Variants in SHANK2 observed in about 807,000 individuals in gnomAD.
The protein encoded by SHANK2 is SH3 and multiple ankyrin repeat domains protein 2.
SHANK2 carries 43 observed loss-of-function variants against 133.7 expected under a neutral mutation model. That is an observed-to-expected ratio of 0.32 (90% CI 0.25 to 0.41). The LOEUF is 0.41. Among genes scored for constraint, SHANK2 ranks in the 10% least tolerant of loss-of-function variants. The pLI is 1.00. For missense variants in SHANK2, 1,994 were observed against 2,235.8 expected, an observed-to-expected ratio of 0.89 and a Z score of 2.18; for synonymous variants, 1,017 against 952.8, an observed-to-expected ratio of 1.07 and a Z score of -1.24.
chr11:70,572,182 C>T (rs192116154), intron 17 of SHANK2, among the ~76,000 whole-genome samples: 124 of 152,330 alleles, frequency 8.1e-4, no homozygotes, highest in African/African-American at 2.6e-3. Context: ...GGTTTTGAGA[C>T]GGAGTCTCAC....
chr11:70,492,353 C>T lies in SHANK2; in HGVS notation c.2421G>A (p.Pro807=), dbSNP rs782015393. The T allele has an allele frequency of 7.4e-6, 12 of 1,612,078 alleles. No individual in the cohort carries two copies. The highest frequency in any genetic ancestry group is 2.2e-5 in the East Asian group (1 of 44,900). Residue 807 remains proline (P), a synonymous_variant, in exon 22 of 26, where the codon CCG becomes CCA. Transcript: ENST00000601538. ...CACTCACGTTCATGTCTGAGCCCGC[C>T]GGGAAGCACCGGCTGCTGGGCCGCT... ...IKQRPSSRCF[P]AGSDMNSVYE...
chr11:71,199,334 A>C (rs1361221334), intron 2 of SHANK2, among the ~76,000 whole-genome samples: 1 of 152,252 alleles, frequency 6.6e-6, no homozygotes, highest in Non-Finnish European at 1.5e-5. Flanking sequence ...TAGAAGACTC[A>C]GCCACAAACT....
At chr11:70,854,799 G>A (rs182788638) in intron 11 of SHANK2, among the ~76,000 whole-genome samples, 1 of 152,340 alleles carries the variant, frequency 6.6e-6, no homozygotes, top group Admixed American at 6.5e-5. Flanking sequence ...GCTGGGGTGT[G>A]AGTACACTGC....
intron 11 of SHANK2, among the ~76,000 whole-genome samples, chr11:70,821,834 T>G (rs782781528): frequency 1.7e-4 from 26 of 152,284 alleles, no homozygotes; most frequent in South Asian, 4.1e-4. Context: ...ACTAAGAAGG[T>G]GCCTTCCTCC....
rs759805764 is a variant in SHANK2, at chr11:71,188,744, C to T, written c.-13+35953G>A. ...CTCCTCATCTGCTGAGGGCCTGCCA[C>T]GTCCCTGCACTGTGCTGGGTGCTGG... On this transcript the variant is annotated intron_variant, in intron 2 of 25. Transcript: ENST00000601538. The surrounding 1 kb of genome is among the most constrained non-coding windows in gnomAD (Gnocchi z 4.6). 3.9e-5 allele frequency among the ~76,000 whole-genome samples: 6 copies of T among 152,212 alleles called. No homozygotes were observed. The highest frequency in any genetic ancestry group is 4.8e-5 in the African/African-American group (2 of 41,448).
chr11:70,906,923 T>C (rs922271188), intron 10 of SHANK2, among the ~76,000 whole-genome samples: 3 of 152,124 alleles, frequency 2.0e-5, no homozygotes, highest in Admixed American at 2.0e-4. Context: ...CCAGAACAGC[T>C]CCCTGGGGCT....
Position 70,596,254 on chromosome 11 carries a change from AC to A in SHANK2, c.2061+63573del, listed in dbSNP as rs1472537312. Among the ~76,000 whole-genome samples, 8 of 152,304 alleles carry A rather than the reference AC, an allele frequency of 5.3e-5. No individual in the cohort carries two copies. The East Asian group carries it at 1.6e-3, about 30-fold the overall frequency. ...GGGCCAGGGCTGGGCCAGAGCCCGG[AC>A]GCTTCCCAGTGCCATGGTGCCTCCT... is the stretch of plus-strand genomic sequence containing the variant. On this transcript the variant is annotated intron_variant, in intron 17 of 25. Coordinates refer to ENST00000601538, the MANE Select transcript of SHANK2 (RefSeq NM_012309.5).
chr11:70,662,297 CCCGGCG>C (rs1166585428), intron 15 of SHANK2: 3 of 167,410 alleles, frequency 1.8e-5, no homozygotes, highest in African/African-American at 7.2e-5. Flanking sequence ...CCTCTCCCGT[CCCGGCG>C]CCGGCGGTGT....
intron 11 of SHANK2, among the ~76,000 whole-genome samples, chr11:70,833,098 G>A (rs764011199): frequency 1.1e-4 from 17 of 152,240 alleles, no homozygotes; most frequent in Non-Finnish European, 2.4e-4. Context: ...CTGTGGTTTC[G>A]AGTTCGAGCC....
chr11:70,579,283 A>T (rs7112411), intron 17 of SHANK2, among the ~76,000 whole-genome samples: 129,918 of 152,160 alleles, frequency 0.85, 55,545 homozygotes, highest in South Asian at 0.91. Context: ...TACCTTAGCA[A>T]CTACATGAAA....
intron 13 of SHANK2, among the ~76,000 whole-genome samples, chr11:70,806,326 C>T (rs1164737961): frequency 4.6e-5 from 7 of 152,254 alleles, no homozygotes; most frequent in African/African-American, 9.6e-5. Flanking sequence ...CCGCAGCCCA[C>T]ACCTGCCATG....
chr11:70,717,301 T>C (rs1945956514), intron 14 of SHANK2, among the ~76,000 whole-genome samples: 1 of 152,168 alleles, frequency 6.6e-6, no homozygotes, highest in South Asian at 2.1e-4. Flanking sequence ...ACCACAGTGC[T>C]TACTAGGAAG....
At chr11:71,180,554 GA>G (rs1308204017) in intron 2 of SHANK2, among the ~76,000 whole-genome samples, 1 of 151,666 alleles carries the variant, frequency 6.6e-6, no homozygotes, top group Admixed American at 6.6e-5. Flanking sequence ...AAGAAAAAAA[GA>G]AAAAAAACCC....
At chr11:70,803,306 C>T (rs1487724745) in intron 13 of SHANK2, among the ~76,000 whole-genome samples, 3 of 3,406 alleles carry the variant, frequency 8.8e-4, no homozygotes, top group Non-Finnish European at 2.6e-3. Context: ...ATCCATCCAT[C>T]CATCTTCCAG....
At chr11:70,884,652 C>T (rs781840224) in intron 11 of SHANK2, among the ~76,000 whole-genome samples, 10 of 152,100 alleles carry the variant, frequency 6.6e-5, no homozygotes, top group Non-Finnish European at 1.3e-4. Flanking sequence ...GGTGTCCGGT[C>T]CCCCCCACCG....
intron 3 of SHANK2, among the ~76,000 whole-genome samples, chr11:71,124,552 TATAATA>T (rs1284400612): frequency 2.2e-4 from 34 of 152,236 alleles, no homozygotes; most frequent in African/African-American, 6.7e-4. Flanking sequence ...TTACTGTTTA[TATAATA>T]ATATTATTCT....
chr11:71,155,538 C>T (rs1224813371), intron 2 of SHANK2, among the ~76,000 whole-genome samples: 3 of 152,134 alleles, frequency 2.0e-5, no homozygotes, highest in African/African-American at 7.2e-5. Flanking sequence ...ATGGAGACAC[C>T]ACCAGCCCCC....
At chr11:70,735,032 C>T (rs782320688) in intron 14 of SHANK2, among the ~76,000 whole-genome samples, 4 of 152,174 alleles carry the variant, frequency 2.6e-5, no homozygotes, top group Non-Finnish European at 4.4e-5. Context: ...AGGCCAGTCC[C>T]GTGTCTGGGC....
chr11:70,865,567 T>C (rs1168280555), intron 11 of SHANK2, among the ~76,000 whole-genome samples: 5 of 152,070 alleles, frequency 3.3e-5, no homozygotes, highest in African/African-American at 1.2e-4. Flanking sequence ...GCCCATTGGA[T>C]GGAGGTGTGC....
Sources: gnomAD v4.1 joint callset for allele counts (sites outside exome capture counted in the v4.1 genomes callset) on GRCh38, gnomAD v4.1.1 for gene constraint, Gnocchi (gnomAD v3.1) non-coding constraint, MANE v1.5 for transcripts, NCBI Gene and HGNC (gene_info 2026-07-23, HGNC 2026-07-21) for gene names.